The following APBA1 variants were observed in gnomAD, a reference collection of about 807,000 sequenced individuals.
The protein encoded by APBA1 is amyloid-beta A4 precursor protein-binding family A member 1.
APBA1 carries 55 observed loss-of-function variants against 86.6 expected under a neutral mutation model. That is an observed-to-expected ratio of 0.64 (90% CI 0.51 to 0.80). The LOEUF (loss-of-function observed/expected upper bound fraction) is 0.80, where lower values mean the gene tolerates loss of function less well. APBA1 is among the 30% of genes least tolerant of loss of function. APBA1 has a pLI of 0.00. For synonymous variants in APBA1, 511 were observed against 493.9 expected (o/e 1.03, Z -0.46); for missense variants, 1,090 against 1,183.0 (o/e 0.92, Z 1.15).
At chr9:69,593,157 TG>T in intron 1 of APBA1, among the ~76,000 whole-genome samples, 1 of 152,348 alleles carries the variant, frequency 6.6e-6, no homozygotes, top group East Asian at 1.9e-4. Context: ...AGTCAAAAGT[TG>T]CATTTCTGTT....
chr9:69,575,375 C>A (rs1821772840), intron 1 of APBA1, among the ~76,000 whole-genome samples: 1 of 152,046 alleles, frequency 6.6e-6, no homozygotes, highest in African/African-American at 2.4e-5. Flanking sequence ...TCATATGGAA[C>A]CAAAAAAGAG....
chr9:69,598,461 A>AAG (rs1822278470), intron 1 of APBA1, among the ~76,000 whole-genome samples: 1 of 151,988 alleles, frequency 6.6e-6, no homozygotes, highest in African/African-American at 2.4e-5. Flanking sequence ...AAAAAAAAAA[A>AAG]AGAGAAATCT....
chr9:69,472,949 A>ATT (rs1332028349), intron 3 of APBA1, among the ~76,000 whole-genome samples: 2 of 152,238 alleles, frequency 1.3e-5, no homozygotes, highest in African/African-American at 4.8e-5. Context: ...ACCTAGTTGT[A>ATT]AGACTCCAGC....
At chr9:69,614,104 C>A (rs532941773) in intron 1 of APBA1, among the ~76,000 whole-genome samples, 11 of 152,220 alleles carry the variant, frequency 7.2e-5, no homozygotes, top group African/African-American at 2.6e-4. Context: ...ATCCATGTAA[C>A]TTTCTGTATA....
chr9:69,502,322 C>A (rs1835891460), intron 2 of APBA1, among the ~76,000 whole-genome samples: 1 of 152,052 alleles, frequency 6.6e-6, no homozygotes, highest in Admixed American at 6.5e-5. Flanking sequence ...GCTGAACCGA[C>A]AGGTGAAACT....
At chr9:69,653,031 A>G (rs1023333951) in intron 1 of APBA1, among the ~76,000 whole-genome samples, 2 of 152,034 alleles carry the variant, frequency 1.3e-5, no homozygotes, top group African/African-American at 2.4e-5. Context: ...AAAACAAAAA[A>G]ACAAGACTCT....
intron 1 of APBA1, among the ~76,000 whole-genome samples, chr9:69,623,451 G>A (rs911441137): frequency 1.1e-4 from 17 of 151,898 alleles, no homozygotes; most frequent in Non-Finnish European, 2.5e-4. Context: ...TCTCAAAGAG[G>A]GTTTGATAGA....
At chr9:69,553,979 T>C (rs1200791103) in intron 1 of APBA1, among the ~76,000 whole-genome samples, 2 of 152,154 alleles carry the variant, frequency 1.3e-5, no homozygotes, top group African/African-American at 4.8e-5. Context: ...AGAGACCCCC[T>C]TGAGCCATCT....
intron 1 of APBA1, among the ~76,000 whole-genome samples, chr9:69,636,763 C>T (rs950164142): frequency 1.5e-5 from 2 of 137,738 alleles, no homozygotes; most frequent in African/African-American, 5.4e-5. Flanking sequence ...CCACTGCACC[C>T]AAGCCTGGGT....
chr9:69,534,755 G>T (rs1161870526), intron 1 of APBA1, among the ~76,000 whole-genome samples: 1 of 152,026 alleles, frequency 6.6e-6, no homozygotes, highest in Non-Finnish European at 1.5e-5. Flanking sequence ...TCTTCTAGGG[G>T]CTCTTCTAAT....
At chr9:69,667,892 A>C (rs1258823093) in intron 1 of APBA1, among the ~76,000 whole-genome samples, 1 of 152,058 alleles carries the variant, frequency 6.6e-6, no homozygotes, top group Non-Finnish European at 1.5e-5. Flanking sequence ...AAGGAAATCC[A>C]AGAGTCAAAT....
rs1823968641 is a variant in APBA1 at position 69,672,303 on chromosome 9, C to A, written c.-220G>T. 5.7e-6 allele frequency: 1 copy of A among 175,758 alleles called. No individual in the cohort carries two copies. Among genetic ancestry groups the A allele is most frequent in the Non-Finnish European group, 1.2e-5 (1 of 86,536 alleles). The allele number at this position is 175,758 out of a possible 1,614,324, so 10.9% of individuals were successfully genotyped here. On this transcript the variant is annotated 5_prime_UTR_variant, in exon 1 of 13. Coordinates refer to ENST00000265381, the MANE Select transcript of APBA1 (RefSeq NM_001163.4). ...CCGCAGCTGCCGCCGCCGCCGCCGC[C>A]GCCGGGACCGCAGCCGCCCTCGCCC...
intron 1 of APBA1, among the ~76,000 whole-genome samples, chr9:69,578,335 T>C (rs539543383): frequency 5.0e-4 from 76 of 152,326 alleles, no homozygotes; most frequent in African/African-American, 1.7e-3. Context: ...CATGGTGGTT[T>C]TCTTTGTGAG....
intron 1 of APBA1, among the ~76,000 whole-genome samples, chr9:69,658,254 TTC>T (rs1491523466): frequency 4.6e-4 from 11 of 23,726 alleles, no homozygotes; most frequent in Middle Eastern, 0.022. Context: ...CTTTCTTTCT[TTC>T]TTTCTTTCTT....
chr9:69,625,547 T>G (rs1278049202), intron 1 of APBA1, among the ~76,000 whole-genome samples: 1 of 152,056 alleles, frequency 6.6e-6, no homozygotes, highest in East Asian at 1.9e-4. Flanking sequence ...TGGAGAACAC[T>G]GAGGTTGCCT....
chr9:69,482,836 AAAT>A (rs962410279), intron 2 of APBA1, among the ~76,000 whole-genome samples: 3 of 151,770 alleles, frequency 2.0e-5, no homozygotes, highest in Admixed American at 2.0e-4. Context: ...GACATGGATG[AAAT>A]TGGAAATCAT....
intron 2 of APBA1, among the ~76,000 whole-genome samples, chr9:69,511,586 G>C (rs1448613832): frequency 2.6e-5 from 4 of 151,656 alleles, no homozygotes; most frequent in Non-Finnish European, 5.9e-5. Flanking sequence ...TATACCCAGA[G>C]GACTATAAAT....
At chr9:69,511,935 A>C (rs1173288173) in intron 2 of APBA1, among the ~76,000 whole-genome samples, 1 of 116,100 alleles carries the variant, frequency 8.6e-6, no homozygotes. Flanking sequence ...GGGTGGGGGT[A>C]GGGGGGAGGG....
chr9:69,656,880 C>T (rs531891045), intron 1 of APBA1, among the ~76,000 whole-genome samples: 169 of 149,592 alleles, frequency 1.1e-3, no homozygotes, highest in African/African-American at 3.8e-3. Flanking sequence ...GCTCTGTCGC[C>T]CAGGCCGGAC....
Sources: gnomAD v4.1 joint callset for allele counts (sites outside exome capture counted in the v4.1 genomes callset) on GRCh38, gnomAD v4.1.1 for gene constraint, MANE v1.5 for transcripts, NCBI Gene and HGNC (gene_info 2026-07-23, HGNC 2026-07-21) for gene names.